MYO5B: variants seen among roughly 807,000 people sequenced by gnomAD.
The protein encoded by MYO5B is unconventional myosin-Vb.
Under a neutral mutation model 229.3 loss-of-function variants are expected in MYO5B, and 143 were observed. The observed-to-expected ratio is 0.62, with a 90% confidence interval of 0.54 to 0.72. The LOEUF (loss-of-function observed/expected upper bound fraction) is 0.72. MYO5B is among the 30% of genes least tolerant of loss of function. The pLI, the probability that MYO5B is intolerant of heterozygous loss-of-function variation, is 0.00. For synonymous variants in MYO5B, 918 were observed against 885.2 expected (o/e 1.04, Z -0.66); for missense variants, 2,321 against 2,331.0 (o/e 1.00, Z 0.09).
In MYO5B at chr18:49,912,134, C is replaced by T. The variant is rs2144161411; in HGVS notation, c.2130G>A (p.Leu710=). ...YHDFFNRYRV[L]VKKRELANTD... The stretch of plus-strand genomic sequence containing the variant: ...TGTTGGCGAGCTCTCTCTTCTTGAC[C>T]AGCACCCGATACCGGTTGAAAAAGT... Residue 710 remains leucine, a synonymous_variant, in exon 18 of 40, where the codon CTG becomes CTA. Coordinates refer to ENST00000285039, the MANE Select transcript of MYO5B (RefSeq NM_001080467.3). 6.2e-7 allele frequency: 1 copy of T among 1,614,070 alleles called. No homozygotes were observed.
chr18:50,133,178 AAGT>A (rs1161070254), intron 1 of MYO5B, among the ~76,000 whole-genome samples: 3 of 152,152 alleles, frequency 2.0e-5, no homozygotes, highest in Non-Finnish European at 4.4e-5. Context: ...GCCCCCTTCA[AAGT>A]ACTTCAACAC....
chr18:50,086,770 T>C (rs1568101160), intron 1 of MYO5B, among the ~76,000 whole-genome samples: 1 of 152,164 alleles, frequency 6.6e-6, no homozygotes, highest in Non-Finnish European at 1.5e-5. Context: ...GAAATAGGCT[T>C]AGAAGTCTTC....
intron 10 of MYO5B, among the ~76,000 whole-genome samples, chr18:49,968,286 AAG>A (rs1257919148): frequency 1.3e-5 from 2 of 152,200 alleles, no homozygotes; most frequent in Non-Finnish European, 2.9e-5. Flanking sequence ...TGGGGAGGAA[AAG>A]AGTTTTTACT....
At chr18:50,065,448 G>A (rs975203050) in intron 1 of MYO5B, among the ~76,000 whole-genome samples, 1 of 152,180 alleles carries the variant, frequency 6.6e-6, no homozygotes, top group African/African-American at 2.4e-5. Flanking sequence ...GGAAGGCGAA[G>A]CAGCAGCAAG....
chr18:49,858,235 A>G (rs1017091979), intron 29 of MYO5B, among the ~76,000 whole-genome samples: 1 of 152,212 alleles, frequency 6.6e-6, no homozygotes, highest in Non-Finnish European at 1.5e-5. Flanking sequence ...TCCCAAACTC[A>G]TAACTCAGCA....
At chr18:50,184,222 G>C (rs910536756) in intron 1 of MYO5B, among the ~76,000 whole-genome samples, 3 of 152,114 alleles carry the variant, frequency 2.0e-5, no homozygotes, top group African/African-American at 7.2e-5. Flanking sequence ...AGAATTTTAA[G>C]AAGCACCAGG....
intron 1 of MYO5B, among the ~76,000 whole-genome samples, chr18:50,180,908 A>G (rs191264557): frequency 1.3e-3 from 202 of 152,346 alleles, no homozygotes; most frequent in African/African-American, 4.5e-3. Flanking sequence ...TCATTCATCC[A>G]TTCATCATTC....
At chr18:49,977,087 A>T (rs148793723) in intron 9 of MYO5B, among the ~76,000 whole-genome samples, 3 of 152,116 alleles carry the variant, frequency 2.0e-5, no homozygotes, top group Non-Finnish European at 4.4e-5. Flanking sequence ...AGCACAAGTT[A>T]GAGACTTGTC....
Position 49,974,330 on chromosome 18 carries a change from G to A in MYO5B, c.1322+20C>T, listed in dbSNP as rs767215010. Reference sequence around the variant, plus strand: ...GCCACTCCCAGGTAGCAGATAGAGCGAGACAGGCGGCAGGCCTACCCATAG... The same window carrying A: ...GCCACTCCCAGGTAGCAGATAGAGCAAGACAGGCGGCAGGCCTACCCATAG... On this transcript the variant is annotated intron_variant, in intron 10 of 39. Transcript: ENST00000285039. The A allele has an allele frequency of 7.4e-6, 12 of 1,614,184 alleles. No homozygotes were observed. Among genetic ancestry groups the A allele is most frequent in the South Asian group, 6.6e-5 (6 of 91,078 alleles).
intron 1 of MYO5B, among the ~76,000 whole-genome samples, chr18:50,094,556 C>T (rs1001489366): frequency 2.0e-5 from 3 of 152,026 alleles, no homozygotes; most frequent in South Asian, 2.1e-4. Context: ...AATAAGCCAT[C>T]GAGGAGAAAA....
intron 17 of MYO5B, among the ~76,000 whole-genome samples, chr18:49,929,226 T>C (rs1435901317): frequency 6.6e-6 from 1 of 152,196 alleles, no homozygotes; most frequent in East Asian, 1.9e-4. Flanking sequence ...GGGGAAATCC[T>C]CTTTGCAACT....
intron 22 of MYO5B, among the ~76,000 whole-genome samples, chr18:49,888,007 G>T (rs1615432): frequency 1.3e-5 from 2 of 151,868 alleles, no homozygotes; most frequent in Non-Finnish European, 2.9e-5. Context: ...TTATAGTAAC[G>T]CAAGAACAGT....
chr18:49,900,325 C>G (rs1038526973), intron 21 of MYO5B, among the ~76,000 whole-genome samples: 9 of 152,238 alleles, frequency 5.9e-5, no homozygotes, highest in African/African-American at 1.4e-4. Context: ...ATGTGCCCTC[C>G]TCCCTGACCT....
At chr18:50,105,199 T>C (rs1203359355) in intron 1 of MYO5B, among the ~76,000 whole-genome samples, 1 of 123,502 alleles carries the variant, frequency 8.1e-6, no homozygotes, top group East Asian at 2.2e-4. Context: ...GGTCAAGGCA[T>C]GGTAAAAATA....
chr18:50,118,354 G>T (rs535063532), intron 1 of MYO5B, among the ~76,000 whole-genome samples: 1 of 152,306 alleles, frequency 6.6e-6, no homozygotes, highest in Admixed American at 6.5e-5. Flanking sequence ...GCAGAAAGAG[G>T]TTGTCACAGC....
chr18:49,920,952 G>T (rs141057028), intron 17 of MYO5B, among the ~76,000 whole-genome samples: 1 of 152,166 alleles, frequency 6.6e-6, no homozygotes, highest in African/African-American at 2.4e-5. Flanking sequence ...AGACCCAAAG[G>T]CTGTGAGATC....
chr18:49,846,102 G>A (rs977506696), intron 33 of MYO5B, among the ~76,000 whole-genome samples: 1 of 152,196 alleles, frequency 6.6e-6, no homozygotes, highest in Non-Finnish European at 1.5e-5. Flanking sequence ...AGGCTGGCAG[G>A]CCAGCCCTGA....
intron 17 of MYO5B, among the ~76,000 whole-genome samples, chr18:49,923,637 C>T (rs2025098842): frequency 6.6e-6 from 1 of 152,160 alleles, no homozygotes; most frequent in Non-Finnish European, 1.5e-5. Context: ...TAGACCTCTG[C>T]CTGAGCATGG....
chr18:49,902,660 A>G lies in MYO5B; in HGVS notation c.2745T>C (p.His915=), dbSNP rs754150615. 2.5e-6 allele frequency: 4 copies of G among 1,613,350 alleles called. No individual in the cohort carries two copies. Among genetic ancestry groups the G allele is most frequent in the Non-Finnish European group, 3.4e-6 (4 of 1,180,018 alleles). ...ALRIEARSAE[H]LKRLNVGMEN... Reference sequence around the variant, plus strand: ...CCATGCCCACGTTGAGACGTTTCAGATGCTCTGCTGAGCGGGCCTCAATCC... The same window carrying G: ...CCATGCCCACGTTGAGACGTTTCAGGTGCTCTGCTGAGCGGGCCTCAATCC... The change falls in exon 21 of 40, where the codon CAT becomes CAC. Residue 915 remains histidine (H), a synonymous_variant. Transcript: ENST00000285039.
Sources: allele counts gnomAD v4.1 joint callset (sites outside exome capture counted in the v4.1 genomes callset), GRCh38; gene constraint gnomAD v4.1.1; transcripts MANE v1.5; gene names NCBI Gene and HGNC (gene_info 2026-07-23, HGNC 2026-07-21).